KCNMA1: variants seen among roughly 807,000 people sequenced by gnomAD.
KCNMA1 encodes Calcium-activated potassium channel subunit alpha-1.
KCNMA1 carries 29 observed loss-of-function variants against 140.0 expected under a neutral mutation model. The ratio of observed to expected loss-of-function variants is 0.21; its 90% CI spans 0.15 to 0.28. The LOEUF is 0.28. Ranked by LOEUF, KCNMA1 falls within the 10% of genes least tolerant of loss-of-function variation. The pLI, the probability that KCNMA1 is intolerant of heterozygous loss-of-function variation, is 1.00. For missense variants in KCNMA1, 880 were observed against 1,602.2 expected, an observed-to-expected ratio of 0.55 and a Z score of 7.70; for synonymous variants, 612 against 611.9, an observed-to-expected ratio of 1.00 and a Z score of 0.00.
chr10:77,087,367 A>C (rs2096716106), intron 10 of KCNMA1, among the ~76,000 whole-genome samples: 2 of 152,204 alleles, frequency 1.3e-5, no homozygotes, highest in African/African-American at 2.4e-5. Context: ...ATACCGATAT[A>C]TATCTGTATT....
Position 76,896,184 on chromosome 10 carries a change from C to A in KCNMA1, c.3148-4465G>T, listed in dbSNP as rs906992071. Among the ~76,000 whole-genome samples, 18 of 152,210 alleles carry A rather than the reference C, an allele frequency of 1.2e-4. 1 individual carries two copies. Among genetic ancestry groups the A allele is most frequent in the Non-Finnish European group, 2.4e-4 (16 of 68,032 alleles). Reference sequence around the variant, plus strand: ...TGCAACTCCATAAGGCAGACACCCCCAGAGCAGCCATTTTAGAGGCTCCTC... The same window carrying A: ...TGCAACTCCATAAGGCAGACACCCCAAGAGCAGCCATTTTAGAGGCTCCTC... On this transcript the variant is annotated intron_variant, in intron 25 of 27. Coordinates refer to ENST00000286628, the MANE Select transcript of KCNMA1 (RefSeq NM_001161352.2).
intron 1 of KCNMA1, among the ~76,000 whole-genome samples, chr10:77,551,633 C>T (rs1353652330): frequency 6.6e-6 from 1 of 152,140 alleles, no homozygotes; most frequent in Admixed American, 6.5e-5. Flanking sequence ...AATATGCAGC[C>T]TTAATTAAAT....
rs79356106 is a variant in KCNMA1, at chr10:77,283,721, G to C, written c.541-32465C>G. ...TTAATGGAGTGCTCATCCTGTGCTG[G>C]GATAGAACTGAGACAAAAAACAGAT... is the stretch of plus-strand genomic sequence containing the variant. On this transcript the variant is annotated intron_variant, in intron 2 of 27. Coordinates refer to ENST00000286628, the MANE Select transcript of KCNMA1 (RefSeq NM_001161352.2). Among the ~76,000 whole-genome samples the C allele has an allele frequency of 1.1e-3, 160 of 152,260 alleles. 2 individuals carry two copies. In the East Asian group the frequency reaches 0.029, roughly 28 times the overall value.
intron 1 of KCNMA1, among the ~76,000 whole-genome samples, chr10:77,570,572 C>T (rs1468619267): frequency 1.4e-5 from 1 of 73,892 alleles, no homozygotes; most frequent in East Asian, 4.2e-4. Context: ...GAACATCACA[C>T]TCTGGGGACT....
intron 1 of KCNMA1, among the ~76,000 whole-genome samples, chr10:77,436,989 C>T (rs557674246): frequency 1.6e-5 from 2 of 128,966 alleles, no homozygotes; most frequent in East Asian, 5.2e-4. Flanking sequence ...CACACACACA[C>T]ACACACACTC....
intron 2 of KCNMA1, among the ~76,000 whole-genome samples, chr10:77,335,482 G>A (rs2088569227): frequency 6.6e-6 from 1 of 152,188 alleles, no homozygotes; most frequent in South Asian, 2.1e-4. Context: ...AATTTTAAAA[G>A]TAAAGATGCC....
chr10:76,874,892 G>A (rs1484222879), downstream of KCNMA1: 2 of 152,232 alleles, frequency 1.3e-5, no homozygotes, highest in Non-Finnish European at 2.9e-5. Context: ...TAAACAGCCT[G>A]TTGGTGACCC....
intron 13 of KCNMA1, 55 bp downstream of exon 13, chr10:77,079,426 G>A: frequency 1.1e-6 from 1 of 935,238 alleles, no homozygotes. Flanking sequence ...TGAGGAAGAA[G>A]AGGCTGGACC....
intron 19 of KCNMA1, among the ~76,000 whole-genome samples, chr10:76,999,280 G>C (rs1291424346): frequency 6.6e-6 from 1 of 152,254 alleles, no homozygotes; most frequent in Admixed American, 6.5e-5. Context: ...GGGGGACACA[G>C]AGTGTGCTGT....
At chr10:76,925,681 A>G (rs1223959026) in intron 23 of KCNMA1, among the ~76,000 whole-genome samples, 1 of 152,182 alleles carries the variant, frequency 6.6e-6, no homozygotes, top group African/African-American at 2.4e-5. Context: ...GTTTTTCAGC[A>G]TTTGTCATGT....
At chr10:77,342,768 G>A (rs905079087) in intron 2 of KCNMA1, among the ~76,000 whole-genome samples, 1 of 152,212 alleles carries the variant, frequency 6.6e-6, no homozygotes, top group African/African-American at 2.4e-5. Context: ...GCTAATGTGT[G>A]TACTGTGATT....
At chr10:77,624,684 G>A (rs1012486278) in intron 1 of KCNMA1, among the ~76,000 whole-genome samples, 2 of 152,092 alleles carry the variant, frequency 1.3e-5, no homozygotes, top group African/African-American at 4.8e-5. Context: ...TTTGTTATAT[G>A]CATGAGAAAA....
intron 1 of KCNMA1, among the ~76,000 whole-genome samples, chr10:77,540,174 C>T (rs1298034637): frequency 6.6e-6 from 1 of 152,210 alleles, no homozygotes; most frequent in African/African-American, 2.4e-5. Flanking sequence ...AGAGCAGTCA[C>T]ATCCACACTC....
At chr10:77,219,622 G>A (rs1393544775) in intron 3 of KCNMA1, among the ~76,000 whole-genome samples, 1 of 152,110 alleles carries the variant, frequency 6.6e-6, no homozygotes, top group Non-Finnish European at 1.5e-5. Context: ...TGTTCGTTTT[G>A]TTTTGTTTTG....
At chr10:77,537,313 A>T (rs1001717046) in intron 1 of KCNMA1, among the ~76,000 whole-genome samples, 9 of 152,070 alleles carry the variant, frequency 5.9e-5, no homozygotes, top group African/African-American at 2.2e-4. Context: ...CACTGTGCCA[A>T]CTCAGGGGAC....
At chr10:77,344,073 C>A (rs1474040291) in intron 2 of KCNMA1, among the ~76,000 whole-genome samples, 1 of 152,208 alleles carries the variant, frequency 6.6e-6, no homozygotes, top group East Asian at 1.9e-4. Context: ...ACAGGCATCC[C>A]CTGCCCCAGC....
chr10:77,517,119 C>T (rs749281260), intron 1 of KCNMA1, among the ~76,000 whole-genome samples: 2 of 152,082 alleles, frequency 1.3e-5, no homozygotes, highest in Non-Finnish European at 2.9e-5. Context: ...CTTTTTCTCC[C>T]TGATGCAAAC....
intron 27 of KCNMA1, 28 bp downstream of exon 27, chr10:76,889,423 G>C: frequency 7.1e-7 from 1 of 1,402,958 alleles, no homozygotes; most frequent in South Asian, 1.2e-5. Context: ...TGATTAGGTG[G>C]GAGGGCAGAG....
intron 1 of KCNMA1, among the ~76,000 whole-genome samples, chr10:77,626,733 C>T (rs1053440943): frequency 1.3e-5 from 2 of 152,222 alleles, no homozygotes; most frequent in Non-Finnish European, 2.9e-5. Context: ...CTGAGCCACA[C>T]AGGCCGCGTG....
Sources: gnomAD v4.1 joint callset for allele counts (sites outside exome capture counted in the v4.1 genomes callset) on GRCh38, gnomAD v4.1.1 for gene constraint, MANE v1.5 for transcripts, NCBI Gene and HGNC (gene_info 2026-07-23, HGNC 2026-07-21) for gene names.